Variants in CYB5R4 observed in about 807,000 individuals in gnomAD.
The protein encoded by CYB5R4 is cytochrome b5 reductase 4, also known as N-terminal cytochrome b5 and cytochrome b5 oxidoreductase domain-containing protein.
Under a neutral mutation model 70.2 loss-of-function variants are expected in CYB5R4, and 55 were observed. The observed-to-expected ratio is 0.78, with a 90% confidence interval of 0.63 to 0.98. The LOEUF (loss-of-function observed/expected upper bound fraction) is 0.98. Ranked by LOEUF, CYB5R4 falls within the 50% of genes least tolerant of loss-of-function variation. The pLI, the probability that CYB5R4 is intolerant of heterozygous loss-of-function variation, is 0.00. For synonymous variants in CYB5R4, 197 were observed against 199.5 expected (o/e 0.99, Z 0.11); for missense variants, 562 against 612.6 (o/e 0.92, Z 0.87).
At chr6:83,957,791 A>T (rs1212973519) in intron 15 of CYB5R4, among the ~76,000 whole-genome samples, 2 of 152,180 alleles carry the variant, frequency 1.3e-5, no homozygotes, top group South Asian at 4.1e-4. Flanking sequence ...ACTCCTGAAC[A>T]TGCTGCATAG....
Position 83,940,440 on chromosome 6 carries a change from A to G in CYB5R4, c.1260-75A>G, listed in dbSNP as rs2099469568. On this transcript the variant is annotated intron_variant, in intron 13 of 15. Coordinates refer to ENST00000369681, the MANE Select transcript of CYB5R4 (RefSeq NM_016230.4). Reference sequence around the variant, plus strand: ...GGCACTAAAACATTCACACTGGTTCACTTTAGACTTTCCATTTGTGCATAT... The same window carrying G: ...GGCACTAAAACATTCACACTGGTTCGCTTTAGACTTTCCATTTGTGCATAT... 5.9e-6 allele frequency: 8 copies of G among 1,365,808 alleles called. No individual in the cohort carries two copies. The South Asian group carries it at 1.0e-4, about 18-fold the overall frequency. 84.6% of individuals were successfully genotyped at this position (1,365,808 alleles called of 1,614,324 possible).
In CYB5R4 at chr6:83,922,619, C is replaced by CT. The variant is rs58965806; in HGVS notation, c.691+159dup. 4,137 of 536,958 alleles carry CT rather than the reference C, an allele frequency of 7.7e-3. 8 individuals carry two copies. The highest frequency in any genetic ancestry group is 0.021 in the African/African-American group (1,066 of 49,888). The allele number at this position is 536,958 out of a possible 1,614,324, so 33.3% of individuals were successfully genotyped here. A position where few individuals can be genotyped will look rare whatever the true frequency, so the allele number is the denominator to read the frequency against. ...GCAAAACAAAGATGTGATGTTTTCTCTTTTTTTTTTAAACTTTTAAGTTCT... is the reference window on the plus strand; with the variant it reads ...GCAAAACAAAGATGTGATGTTTTCTCTTTTTTTTTTTAAACTTTTAAGTTCT... On this transcript the variant is annotated intron_variant, in intron 9 of 15. Coordinates refer to ENST00000369681, the MANE Select transcript of CYB5R4 (RefSeq NM_016230.4).
At chr6:83,900,448 T>G (rs1402746510) in intron 3 of CYB5R4, among the ~76,000 whole-genome samples, 1 of 152,144 alleles carries the variant, frequency 6.6e-6, no homozygotes, top group African/African-American at 2.4e-5. Context: ...ATTCTGTTGA[T>G]TTGGGGTGGA....
chr6:83,903,521 T>A (rs751906689), intron 3 of CYB5R4, among the ~76,000 whole-genome samples: 12 of 152,098 alleles, frequency 7.9e-5, no homozygotes, highest in Non-Finnish European at 1.5e-4. Flanking sequence ...TTGGTTTTGG[T>A]ATCAGGGTAA....
At chr6:83,872,751 A>G (rs1562826963) in intron 2 of CYB5R4, among the ~76,000 whole-genome samples, 2 of 152,232 alleles carry the variant, frequency 1.3e-5, no homozygotes, top group East Asian at 3.8e-4. Context: ...AGTTTTGATC[A>G]AGTTCCCATT....
chr6:83,915,028 C>T (rs1215970141), intron 5 of CYB5R4, among the ~76,000 whole-genome samples: 1 of 152,206 alleles, frequency 6.6e-6, no homozygotes, highest in East Asian at 1.9e-4. Flanking sequence ...TCCTCAGAAA[C>T]AAGACAAAAT....
intron 14 of CYB5R4, among the ~76,000 whole-genome samples, chr6:83,942,037 T>A (rs1391556511): frequency 1.3e-5 from 2 of 152,158 alleles, no homozygotes; most frequent in Admixed American, 1.3e-4. Flanking sequence ...CGTAAATGCT[T>A]TGGAACCTGT....
At chr6:83,907,824 C>G (rs1213712968) in intron 3 of CYB5R4, among the ~76,000 whole-genome samples, 1 of 152,178 alleles carries the variant, frequency 6.6e-6, no homozygotes, top group Non-Finnish European at 1.5e-5. Context: ...TTTTTTATGG[C>G]TGCCTAGTAT....
intron 14 of CYB5R4, 40 bp downstream of exon 14, chr6:83,940,641 C>G (rs1327125831): frequency 1.3e-6 from 2 of 1,572,562 alleles, no homozygotes; most frequent in Non-Finnish European, 1.7e-6. Context: ...GTTATTTATA[C>G]CTGGGTAGTA....
chr6:83,896,492 A>G (rs1294535249), intron 3 of CYB5R4, among the ~76,000 whole-genome samples: 3 of 152,098 alleles, frequency 2.0e-5, no homozygotes, highest in African/African-American at 7.2e-5. Context: ...CAAATTTTGT[A>G]GCTCCTATGA....
intron 2 of CYB5R4, among the ~76,000 whole-genome samples, chr6:83,883,104 T>C (rs1417534881): frequency 6.6e-6 from 1 of 152,186 alleles, no homozygotes; most frequent in Non-Finnish European, 1.5e-5. Context: ...TTGAATGAGC[T>C]TAATAGCAGA....
intron 10 of CYB5R4, among the ~76,000 whole-genome samples, chr6:83,934,098 G>A (rs2099468550): frequency 1.3e-5 from 2 of 152,022 alleles, no homozygotes; most frequent in South Asian, 2.1e-4. Flanking sequence ...TTTCCATGGT[G>A]TAAGAAAAGA....
At chr6:83,864,801 A>C (rs147165587) in intron 2 of CYB5R4, among the ~76,000 whole-genome samples, 1 of 152,316 alleles carries the variant, frequency 6.6e-6, no homozygotes, top group Non-Finnish European at 1.5e-5. Flanking sequence ...GTTTCTTAGC[A>C]ATATTAGTTA....
chr6:83,877,965 A>G (rs1366276092), intron 2 of CYB5R4, among the ~76,000 whole-genome samples: 1 of 151,902 alleles, frequency 6.6e-6, no homozygotes, highest in Non-Finnish European at 1.5e-5. Context: ...ATGTTAGCCT[A>G]TATTGTCCCA....
chr6:83,867,327 G>C (rs773010100), intron 2 of CYB5R4, among the ~76,000 whole-genome samples: 52 of 152,210 alleles, frequency 3.4e-4, no homozygotes, highest in Non-Finnish European at 5.6e-4. Context: ...TGGAGCTTAG[G>C]TTAATTGTTG....
At chr6:83,937,856 A>G (rs928894699) in intron 12 of CYB5R4, among the ~76,000 whole-genome samples, 2 of 152,194 alleles carry the variant, frequency 1.3e-5, no homozygotes, top group Non-Finnish European at 2.9e-5. Flanking sequence ...AAGAACTATA[A>G]TGAGATCTAT....
Position 83,931,347 on chromosome 6 carries a change from A to G in CYB5R4, c.815-3248A>G, listed in dbSNP as rs77778402. On this transcript the variant is annotated intron_variant, in intron 10 of 15. Transcript: ENST00000369681. ...CCAGCAGGGAAAATAAGAGTAACTAAGTGCTTCAAAAGTGCAAGAAGGAGA... is the reference window on the plus strand; with the variant it reads ...CCAGCAGGGAAAATAAGAGTAACTAGGTGCTTCAAAAGTGCAAGAAGGAGA... 7.9e-4 allele frequency among the ~76,000 whole-genome samples: 120 copies of G among 152,318 alleles called. 2 individuals are homozygous for G. The East Asian group carries it at 0.02, about 25-fold the overall frequency.
intron 2 of CYB5R4, among the ~76,000 whole-genome samples, chr6:83,866,856 C>T (rs1299282388): frequency 6.6e-6 from 1 of 152,066 alleles, no homozygotes; most frequent in Non-Finnish European, 1.5e-5. Context: ...AGGTCTCAAG[C>T]AGTCCTCCTG....
At chr6:83,947,789 CATT>C (rs1475728334) in intron 14 of CYB5R4, among the ~76,000 whole-genome samples, 1 of 151,584 alleles carries the variant, frequency 6.6e-6, no homozygotes, top group Non-Finnish European at 1.5e-5. Context: ...ACATACTGGT[CATT>C]AGAGAAATGC....
Sources: allele counts gnomAD v4.1 joint callset (sites outside exome capture counted in the v4.1 genomes callset), GRCh38; gene constraint gnomAD v4.1.1; transcripts MANE v1.5; gene names NCBI Gene and HGNC (gene_info 2026-07-23, HGNC 2026-07-21).